Variants in APBA2 observed in about 807,000 individuals in gnomAD.
APBA2 encodes amyloid beta precursor protein binding family A member 2, also known as amyloid-beta A4 precursor protein-binding family A member 2.
Under a neutral mutation model 75.0 loss-of-function variants are expected in APBA2, and 30 were observed. The ratio of observed to expected loss-of-function variants is 0.40; its 90% CI spans 0.30 to 0.54. The LOEUF (loss-of-function observed/expected upper bound fraction) is 0.54. Ranked by LOEUF, APBA2 falls within the 20% of genes least tolerant of loss-of-function variation. APBA2 has a pLI of 0.49. For missense variants in APBA2, 801 were observed against 1,016.1 expected (o/e 0.79, Z 2.88); for synonymous variants, 444 against 409.6 (o/e 1.08, Z -1.01).
intron 2 of APBA2, among the ~76,000 whole-genome samples, chr15:28,937,319 G>C (rs1034414281): frequency 2.0e-5 from 3 of 152,180 alleles, no homozygotes; most frequent in African/African-American, 7.2e-5. Context: ...CAATATCTAA[G>C]GATGTATTGA....
intron 1 of APBA2, among the ~76,000 whole-genome samples, chr15:28,914,829 A>G (rs1283002997): frequency 3.3e-5 from 5 of 151,904 alleles, no homozygotes; most frequent in South Asian, 2.1e-4. Flanking sequence ...CCACTCGCCA[A>G]CTGAGCCTGG....
Position 29,103,778 on chromosome 15 carries a change from G to C in APBA2, c.1525-1601G>C, listed in dbSNP as rs1011795194. ...TCAGGCCGTCCTTCCCAGCCAGGTG[G>C]CCTCGTCAGGCGGAGACAGAAGCAG... On this transcript the variant is annotated intron_variant, in intron 10 of 14. Coordinates refer to ENST00000683413, the MANE Select transcript of APBA2 (RefSeq NM_001353788.2). Among the ~76,000 whole-genome samples, 6 of 152,358 alleles carry C rather than the reference G, an allele frequency of 3.9e-5. No homozygotes were observed. In the South Asian group the frequency reaches 1.2e-3, roughly 32 times the overall value.
chr15:29,027,341 A>G (rs1334104747), intron 3 of APBA2, among the ~76,000 whole-genome samples: 1 of 152,180 alleles, frequency 6.6e-6, no homozygotes, highest in Admixed American at 6.5e-5. Flanking sequence ...TTTTCTACTT[A>G]TTGAGCCAAT....
intron 2 of APBA2, among the ~76,000 whole-genome samples, chr15:28,981,795 T>G (rs1412503980): frequency 6.6e-6 from 1 of 152,150 alleles, no homozygotes; most frequent in Non-Finnish European, 1.5e-5. Flanking sequence ...GAAATTATGG[T>G]ACATATACAC....
In APBA2 at chr15:29,117,469, G is replaced by T; in HGVS notation, c.*336G>T. 2.7e-6 allele frequency: 1 copy of T among 368,904 alleles called. No homozygotes were observed. Among genetic ancestry groups the T allele is most frequent in the South Asian group, 2.7e-5 (1 of 36,890 alleles). 22.9% of individuals were successfully genotyped at this position (368,904 alleles called of 1,614,324 possible). A position where few individuals can be genotyped will look rare whatever the true frequency, so the allele number is the denominator to read the frequency against. On this transcript the variant is annotated 3_prime_UTR_variant, in exon 15 of 15. Coordinates refer to ENST00000683413, the MANE Select transcript of APBA2 (RefSeq NM_001353788.2). The stretch of plus-strand genomic sequence containing the variant: ...GTGTCTTTCCTCCCTGAAGCTGTGC[G>T]GAGCGAACTGGCGCCTCCGAGGGAC...
chr15:29,050,306 G>C (rs6493021), intron 3 of APBA2, among the ~76,000 whole-genome samples: 7,400 of 152,214 alleles, frequency 0.049, 620 homozygotes, highest in African/African-American at 0.17. Flanking sequence ...TGAGATCAGA[G>C]CCATTTTATA....
Position 29,074,230 on chromosome 15 carries a change from G to A in APBA2, c.952-691G>A, listed in dbSNP as rs575280349. ...GCACCATTCACAATAGCTAAGAATT[G>A]GAAGCAACCCAAGTGTCCATCAATA... On this transcript the variant is annotated intron_variant, in intron 4 of 14. Coordinates refer to ENST00000683413, the MANE Select transcript of APBA2 (RefSeq NM_001353788.2). 9.9e-5 allele frequency among the ~76,000 whole-genome samples: 15 copies of A among 152,224 alleles called. No individual in the cohort carries two copies. In the South Asian group the frequency reaches 3.1e-3, roughly 32 times the overall value.
At chr15:29,014,711 T>TTG (rs2039569938) in intron 3 of APBA2, among the ~76,000 whole-genome samples, 1 of 151,230 alleles carries the variant, frequency 6.6e-6, no homozygotes, top group African/African-American at 2.4e-5. Context: ...ACTGTTTTTT[T>TTG]TTTTTTTTTT....
intron 2 of APBA2, among the ~76,000 whole-genome samples, chr15:28,934,732 C>G (rs2034757998): frequency 6.6e-6 from 1 of 152,164 alleles, no homozygotes; most frequent in African/African-American, 2.4e-5. Context: ...GAAGGACTGC[C>G]CCATGCTGTG....
At chr15:28,986,083 C>G (rs974770370) in intron 2 of APBA2, among the ~76,000 whole-genome samples, 24 of 152,166 alleles carry the variant, frequency 1.6e-4, no homozygotes, top group Non-Finnish European at 3.5e-4. Flanking sequence ...TGCAGTAAAT[C>G]CTTCTGCCTC....
At chr15:28,915,417 C>G (rs1397834983) in intron 1 of APBA2, among the ~76,000 whole-genome samples, 1 of 150,280 alleles carries the variant, frequency 6.7e-6, no homozygotes, top group Non-Finnish European at 1.5e-5. Flanking sequence ...ACCCTATACA[C>G]ACCACACACA....
At chr15:29,085,322 A>G (rs765562158) in intron 6 of APBA2, among the ~76,000 whole-genome samples, 1 of 152,092 alleles carries the variant, frequency 6.6e-6, no homozygotes, top group African/African-American at 2.4e-5. Flanking sequence ...TCAGGAGATC[A>G]AGACCATCCT....
At chr15:28,940,227 G>A (rs1056494681) in intron 2 of APBA2, among the ~76,000 whole-genome samples, 7 of 151,820 alleles carry the variant, frequency 4.6e-5, no homozygotes, top group Non-Finnish European at 8.8e-5. Context: ...AGAAAGCCTC[G>A]GGAGGCTGGG....
intron 3 of APBA2, among the ~76,000 whole-genome samples, chr15:29,037,010 A>T (rs1183321972): frequency 6.6e-6 from 1 of 150,790 alleles, no homozygotes; most frequent in East Asian, 1.9e-4. Flanking sequence ...ACAGAGAGAG[A>T]CCCTGTCTCC....
chr15:28,902,485 G>A (rs914482920), intron 1 of APBA2, among the ~76,000 whole-genome samples: 1 of 152,262 alleles, frequency 6.6e-6, no homozygotes, highest in Non-Finnish European at 1.5e-5. Context: ...GAGGAGACGC[G>A]ACAGCTGAAC....
At chr15:28,974,375 C>T (rs1368455288) in intron 2 of APBA2, among the ~76,000 whole-genome samples, 1 of 152,126 alleles carries the variant, frequency 6.6e-6, no homozygotes, top group African/African-American at 2.4e-5. Flanking sequence ...ATGAGGGACA[C>T]GCAGTTCCAG....
chr15:28,924,436 C>G (rs1445981959), intron 2 of APBA2, among the ~76,000 whole-genome samples: 1 of 152,220 alleles, frequency 6.6e-6, no homozygotes, highest in Non-Finnish European at 1.5e-5. Flanking sequence ...CTACCCCAGT[C>G]TCTGGCAACC....
At chr15:28,980,107 A>G (rs2037543521) in intron 2 of APBA2, among the ~76,000 whole-genome samples, 1 of 152,190 alleles carries the variant, frequency 6.6e-6, no homozygotes, top group Admixed American at 6.5e-5. Flanking sequence ...CACTTGGTAG[A>G]TTCAGCACTG....
chr15:28,892,906 G>A (rs897427664), intron 1 of APBA2, among the ~76,000 whole-genome samples: 4 of 152,212 alleles, frequency 2.6e-5, no homozygotes, highest in Non-Finnish European at 5.9e-5. Flanking sequence ...GAGTGAATGC[G>A]TGCATTTAGG....
Sources: allele counts gnomAD v4.1 joint callset (sites outside exome capture counted in the v4.1 genomes callset), GRCh38; gene constraint gnomAD v4.1.1; transcripts MANE v1.5; gene names NCBI Gene and HGNC (gene_info 2026-07-23, HGNC 2026-07-21).